The following ZNF273 variants were observed in gnomAD, a reference collection of about 807,000 sequenced individuals.
ZNF273 encodes zinc finger protein 9.
In ZNF273, 11 loss-of-function variants were observed where a neutral mutation model predicts 14.9. The observed-to-expected ratio is 0.74, with a 90% confidence interval of 0.46 to 1.22. The LOEUF (loss-of-function observed/expected upper bound fraction) is 1.22, where lower values mean the gene tolerates loss of function less well. ZNF273 is among the 50% of genes most tolerant of loss of function. The pLI is 0.00. For missense variants in ZNF273, 577 were observed against 660.6 expected (o/e 0.87, Z 1.39); for synonymous variants, 199 against 223.9 (o/e 0.89, Z 0.99).
downstream of ZNF273, among the ~76,000 whole-genome samples, chr7:64,932,232 A>AT (rs1227104091): frequency 6.6e-6 from 1 of 151,160 alleles, no homozygotes; most frequent in African/African-American, 2.4e-5. Flanking sequence ...TGTAAAAAAA[A>AT]AAAAAAATAT....
intron 1 of ZNF273, among the ~76,000 whole-genome samples, chr7:64,884,945 C>G (rs7797115): frequency 0.45 from 68,490 of 152,204 alleles, 15,720 homozygotes; most frequent in Admixed American, 0.51. Flanking sequence ...TTCCTCTGCT[C>G]AGGCAGGCTG....
chr7:64,881,094 T>A (rs888919674), downstream of ZNF273, among the ~76,000 whole-genome samples: 2 of 152,146 alleles, frequency 1.3e-5, no homozygotes, highest in African/African-American at 4.8e-5. Context: ...ATTCCCTTCG[T>A]CCACAGGCCG....
intron 1 of ZNF273, among the ~76,000 whole-genome samples, chr7:64,912,837 T>G (rs1177250242): frequency 1.8e-5 from 2 of 108,414 alleles, no homozygotes; most frequent in African/African-American, 5.9e-5. Context: ...TTTTTTTTTT[T>G]TTTTTTTTTG....
downstream of ZNF273, among the ~76,000 whole-genome samples, chr7:64,891,222 C>G (rs1458460794): frequency 1.3e-5 from 2 of 152,262 alleles, no homozygotes; most frequent in African/African-American, 2.4e-5. Flanking sequence ...CTGGCCATAT[C>G]TCTCTGTAAG....
intron 1 of ZNF273, among the ~76,000 whole-genome samples, chr7:64,906,276 T>G (rs1049678940): frequency 6.6e-6 from 1 of 152,224 alleles, no homozygotes; most frequent in African/African-American, 2.4e-5. Flanking sequence ...ATTTCTGAGT[T>G]TAATGCTGAA....
chr7:64,935,966 C>T (rs541893435), downstream of ZNF273, among the ~76,000 whole-genome samples: 105 of 152,076 alleles, frequency 6.9e-4, no homozygotes, highest in Non-Finnish European at 1.3e-3. Flanking sequence ...TAAAAAGAAG[C>T]AAAGACAAGA....
intron 2 of ZNF273, among the ~76,000 whole-genome samples, chr7:64,878,809 A>G (rs147811377): frequency 3.2e-4 from 49 of 152,240 alleles, no homozygotes; most frequent in African/African-American, 1.2e-3. Flanking sequence ...CCTGACTTCT[A>G]TGCTTCTCCT....
chr7:64,931,761 T>C (rs1223351244), downstream of ZNF273, among the ~76,000 whole-genome samples: 2 of 152,098 alleles, frequency 1.3e-5, no homozygotes. Flanking sequence ...TAACAGATGC[T>C]CCATAGTAAG....
At chr7:64,907,542 AGATGGGCC>A (rs1308110679) in intron 1 of ZNF273, among the ~76,000 whole-genome samples, 24 of 152,234 alleles carry the variant, frequency 1.6e-4, no homozygotes, top group Non-Finnish European at 2.6e-4. Context: ...CCCAGTGTAT[AGATGGGCC>A]TATGGAATTT....
chr7:64,932,678 T>C (rs1645432218), downstream of ZNF273, among the ~76,000 whole-genome samples: 1 of 151,926 alleles, frequency 6.6e-6, no homozygotes, highest in African/African-American at 2.4e-5. Flanking sequence ...TCCTAGCACT[T>C]TGGGAGCCTG....
At chr7:64,906,267 T>A (rs1219791716) in intron 1 of ZNF273, among the ~76,000 whole-genome samples, 1 of 152,236 alleles carries the variant, frequency 6.6e-6, no homozygotes, top group East Asian at 1.9e-4. Flanking sequence ...GTTATCTTGA[T>A]TTCTGAGTTT....
intron 1 of ZNF273, among the ~76,000 whole-genome samples, chr7:64,907,844 G>A (rs1793227465): frequency 6.6e-6 from 1 of 152,144 alleles, no homozygotes; most frequent in African/African-American, 2.4e-5. Flanking sequence ...CTCCCAGGGT[G>A]AGCGAGAACT....
chr7:64,905,484 A>G (rs1300534550), intron 1 of ZNF273, among the ~76,000 whole-genome samples: 4 of 147,406 alleles, frequency 2.7e-5, no homozygotes, highest in African/African-American at 7.5e-5. Context: ...TCTTCACCCA[A>G]TCCAGCTTTC....
rs753198958 is a variant in ZNF273, at chr7:64,921,848, C to G, written c.325+3556C>G. 2.6e-5 allele frequency among the ~76,000 whole-genome samples: 4 copies of G among 151,810 alleles called. No individual in the cohort carries two copies. The East Asian group carries it at 7.8e-4, about 29-fold the overall frequency. On this transcript the variant is annotated intron_variant, in intron 3 of 3. Coordinates refer to ENST00000476120, the MANE Select transcript of ZNF273 (RefSeq NM_021148.3). Reference sequence around the variant, plus strand: ...TTCACCATGTTGGCCAGGCTGGTCTCGAACTCCTGACCTCAGGTGACCCAC... The same window carrying G: ...TTCACCATGTTGGCCAGGCTGGTCTGGAACTCCTGACCTCAGGTGACCCAC...
At chr7:64,917,143 C>A in intron 1 of ZNF273, 1 of 1,248,482 alleles carries the variant, frequency 8.0e-7, no homozygotes, top group South Asian at 1.3e-5. Flanking sequence ...AATTTGGAAA[C>A]TCAGACTTTA....
intron 1 of ZNF273, among the ~76,000 whole-genome samples, chr7:64,916,772 A>T (rs1004110935): frequency 6.6e-6 from 1 of 152,114 alleles, no homozygotes; most frequent in African/African-American, 2.4e-5. Flanking sequence ...TGGTATACCT[A>T]TGTAACAGAA....
intron 1 of ZNF273, chr7:64,888,550 T>G (rs753380262): frequency 1.7e-5 from 17 of 985,786 alleles, no homozygotes; most frequent in Non-Finnish European, 2.0e-5. Context: ...CGTTCTTTAT[T>G]ATGATGATTT....
chr7:64,926,838 C>T (rs1283068877), intron 3 of ZNF273, among the ~76,000 whole-genome samples: 1 of 152,128 alleles, frequency 6.6e-6, no homozygotes, highest in Non-Finnish European at 1.5e-5. Context: ...GGAGTTTGTT[C>T]ATGTTTCTTC....
intron 1 of ZNF273, among the ~76,000 whole-genome samples, chr7:64,911,494 C>G (rs1488661832): frequency 1.3e-5 from 2 of 152,024 alleles, no homozygotes. Context: ...AACTCCCGAC[C>G]TGAGGTGATC....
Sources: allele counts gnomAD v4.1 joint callset (sites outside exome capture counted in the v4.1 genomes callset), GRCh38; gene constraint gnomAD v4.1.1; transcripts MANE v1.5; gene names NCBI Gene and HGNC (gene_info 2026-07-23, HGNC 2026-07-21).